The following MVB12B variants were observed in gnomAD, a reference collection of about 807,000 sequenced individuals.
MVB12B encodes the protein ESCRT-I complex subunit MVB12B.
MVB12B carries 16 observed loss-of-function variants against 41.6 expected under a neutral mutation model. The ratio of observed to expected loss-of-function variants is 0.38; its 90% CI spans 0.26 to 0.58. MVB12B has a LOEUF of 0.58. MVB12B is among the 20% of genes least tolerant of loss of function. The pLI is 0.62. For synonymous variants in MVB12B, 133 were observed against 139.7 expected (o/e 0.95, Z 0.34); for missense variants, 274 against 380.2 (o/e 0.72, Z 2.32).
chr9:126,330,551 T>C (rs1829101278), intron 1 of MVB12B, among the ~76,000 whole-genome samples: 1 of 151,964 alleles, frequency 6.6e-6, no homozygotes, highest in South Asian at 2.1e-4. Context: ...CACCTTGGGT[T>C]ATACTTCTTC....
chr9:126,416,599 C>G (rs375355937), intron 6 of MVB12B, among the ~76,000 whole-genome samples: 40 of 152,260 alleles, frequency 2.6e-4, no homozygotes, highest in African/African-American at 9.4e-4. Flanking sequence ...TTTATATACC[C>G]GATAGTGAAG....
intron 7 of MVB12B, among the ~76,000 whole-genome samples, chr9:126,452,993 T>A (rs990313822): frequency 4.6e-5 from 7 of 152,024 alleles, no homozygotes; most frequent in Non-Finnish European, 5.9e-5. Flanking sequence ...AGCTCTGGAC[T>A]CAAGTCCCAG....
intron 7 of MVB12B, among the ~76,000 whole-genome samples, chr9:126,451,219 C>T (rs1389931847): frequency 6.6e-6 from 1 of 152,222 alleles, no homozygotes; most frequent in Non-Finnish European, 1.5e-5. Context: ...GCGTCTTTGA[C>T]TGTAGAAACA....
At chr9:126,398,222 C>T (rs1831172714) in intron 6 of MVB12B, among the ~76,000 whole-genome samples, 1 of 151,726 alleles carries the variant, frequency 6.6e-6, no homozygotes, top group Non-Finnish European at 1.5e-5. Flanking sequence ...TCCGGGGCAT[C>T]TCGAGCCCGT....
intron 7 of MVB12B, among the ~76,000 whole-genome samples, chr9:126,456,472 T>G (rs572877515): frequency 6.6e-6 from 1 of 152,384 alleles, no homozygotes; most frequent in South Asian, 2.1e-4. Flanking sequence ...AATAATGATT[T>G]TAACTGTGAG....
chr9:126,397,581 A>AC, intron 6 of MVB12B: 1 of 985,356 alleles, frequency 1.0e-6, no homozygotes, highest in Non-Finnish European at 1.2e-6. Context: ...CCAATATGCA[A>AC]CAGGATAATT....
intron 6 of MVB12B, among the ~76,000 whole-genome samples, chr9:126,418,258 G>T (rs1467110719): frequency 6.6e-6 from 1 of 152,204 alleles, no homozygotes; most frequent in Non-Finnish European, 1.5e-5. Context: ...GGCAAAATCT[G>T]AGGCCCCGAG....
At position 126,480,136 on chromosome 9, in the gene MVB12B, CCG is replaced by C. The variant is rs1034301700; in HGVS notation, c.758-1232_758-1231del. Among the ~76,000 whole-genome samples the C allele has an allele frequency of 2.0e-5, 3 of 152,316 alleles. No homozygotes were observed. The highest frequency in any genetic ancestry group is 7.2e-5 in the African/African-American group (3 of 41,566). ...CTACCTTGCTTCCATTGTGCTCACT[CCG>C]TTTCTCCCTGAAACCACAATTTACT... On this transcript the variant is annotated intron_variant, in intron 7 of 9. Coordinates refer to ENST00000361171, the MANE Select transcript of MVB12B (RefSeq NM_033446.3). The surrounding 1 kb of genome is among the most constrained non-coding windows in gnomAD (Gnocchi z 4.9).
intron 1 of MVB12B, among the ~76,000 whole-genome samples, chr9:126,331,939 C>T (rs1829141934): frequency 6.6e-6 from 1 of 152,346 alleles, no homozygotes. Context: ...ACTGGGGTGC[C>T]CCTTCCTGTA....
At position 126,478,164 on chromosome 9, in the gene MVB12B, A is replaced by C. The variant is rs868259570; in HGVS notation, c.758-3205A>C. Reference sequence around the variant, plus strand: ...CTTTAAAATGGTTAATTTTATATGAATTTTTTAAAACATTTCCCTCCCTGC... The same window carrying C: ...CTTTAAAATGGTTAATTTTATATGACTTTTTTAAAACATTTCCCTCCCTGC... On this transcript the variant is annotated intron_variant, in intron 7 of 9. Transcript: ENST00000361171. The surrounding 1 kb of genome is among the most constrained non-coding windows in gnomAD (Gnocchi z 4.2). Among the ~76,000 whole-genome samples, 1 of 152,326 alleles carries C rather than the reference A, an allele frequency of 6.6e-6. No homozygotes were observed. Among genetic ancestry groups the C allele is most frequent in the Middle Eastern group, 3.4e-3 (1 of 294 alleles).
In MVB12B at chr9:126,481,349, T is replaced by C. The variant is rs1453680439; in HGVS notation, c.758-20T>C. 4.4e-6 allele frequency: 7 copies of C among 1,609,142 alleles called. No homozygotes were observed. Among genetic ancestry groups the C allele is most frequent in the East Asian group, 2.2e-5 (1 of 44,872 alleles). ...ATCTTCAATACCTTTAATGCCATCT[T>C]TTTTTTTCTTCTTTTGCAGCAATGG... On this transcript the variant is annotated intron_variant, in intron 7 of 9. Transcript: ENST00000361171.
chr9:126,396,928 A>G, intron 6 of MVB12B: 3 of 985,472 alleles, frequency 3.0e-6, no homozygotes, highest in Non-Finnish European at 3.6e-6. Flanking sequence ...CTTGTTCCTC[A>G]CTTCTGAGCC....
chr9:126,463,087 C>T (rs1833123193), intron 7 of MVB12B, among the ~76,000 whole-genome samples: 1 of 152,222 alleles, frequency 6.6e-6, no homozygotes, highest in African/African-American at 2.4e-5. Flanking sequence ...GTCCTGCGGG[C>T]TGGTCCATTG....
rs530108393 is a variant in MVB12B at position 126,460,696 on chromosome 9, C to T, written c.758-20673C>T. On this transcript the variant is annotated intron_variant, in intron 7 of 9. Coordinates refer to ENST00000361171, the MANE Select transcript of MVB12B (RefSeq NM_033446.3). ...GGGGAGATGATGCTGGGGGTGGTAG[C>T]GGCCAGTGGAGGTGGGGAGGAGGGC... Among the ~76,000 whole-genome samples, 242 of 152,038 alleles carry T rather than the reference C, an allele frequency of 1.6e-3. 1 individual carries two copies. Among genetic ancestry groups the T allele is most frequent in the African/African-American group, 5.4e-3 (222 of 41,470 alleles).
In MVB12B at chr9:126,503,506, G is replaced by T. The variant is rs1588219700; in HGVS notation, c.*243G>T. On this transcript the variant is annotated 3_prime_UTR_variant, in exon 10 of 10. Transcript: ENST00000361171. ...TAATCTGTGTGTGCTGTAGTGACCA[G>T]CGGCTCCTAACGTGTCTGTGTGATG... 1 of 558,318 alleles carries T rather than the reference G, an allele frequency of 1.8e-6. No homozygotes were observed. The highest frequency in any genetic ancestry group is 3.0e-5 in the East Asian group (1 of 33,362). The allele number at this position is 558,318 out of a possible 1,614,324, so 34.6% of individuals were successfully genotyped here. A position where few individuals can be genotyped will look rare whatever the true frequency, so the allele number is the denominator to read the frequency against.
rs1333641812 is a variant in MVB12B at position 126,480,396 on chromosome 9, G to A, written c.758-973G>A. 6.6e-6 allele frequency among the ~76,000 whole-genome samples: 1 copy of A among 152,198 alleles called. No homozygotes were observed. Among genetic ancestry groups the A allele is most frequent in the African/African-American group, 2.4e-5 (1 of 41,450 alleles). ...TCCAGTGTGACCTGTTCCTCAATGT[G>A]GCAGGATTTCCAGTCCTGGTGTGGC... On this transcript the variant is annotated intron_variant, in intron 7 of 9. Coordinates refer to ENST00000361171, the MANE Select transcript of MVB12B (RefSeq NM_033446.3). The surrounding 1 kb of genome is among the most constrained non-coding windows in gnomAD (Gnocchi z 4.9).
In MVB12B at chr9:126,506,920, G is replaced by A. The variant is rs928611669; in HGVS notation, c.*3657G>A. 2 of 152,702 alleles carry A rather than the reference G, an allele frequency of 1.3e-5. No homozygotes were observed. The highest frequency in any genetic ancestry group is 3.8e-4 in the East Asian group (2 of 5,198). The allele number at this position is 152,702 out of a possible 1,614,324, so 9.5% of individuals were successfully genotyped here. A position where few individuals can be genotyped will look rare whatever the true frequency, so the allele number is the denominator to read the frequency against. ...GGCCTGGACAAGGAAGACCCTTAGG[G>A]ATGACGTCCCCGCTGCATATTTATT... On this transcript the variant is annotated 3_prime_UTR_variant, in exon 10 of 10. Coordinates refer to ENST00000361171, the MANE Select transcript of MVB12B (RefSeq NM_033446.3).
At chr9:126,425,482 G>A (rs1403466120) in intron 7 of MVB12B, among the ~76,000 whole-genome samples, 1 of 152,052 alleles carries the variant, frequency 6.6e-6, no homozygotes, top group African/African-American at 2.4e-5. Flanking sequence ...CATGTCCTTG[G>A]TAAACCCTGC....
intron 7 of MVB12B, among the ~76,000 whole-genome samples, chr9:126,464,919 C>T (rs953493975): frequency 2.6e-4 from 39 of 152,210 alleles, no homozygotes; most frequent in African/African-American, 9.4e-4. Flanking sequence ...ACGAGAACAC[C>T]TGTTACTCCC....
Sources: allele counts gnomAD v4.1 joint callset (sites outside exome capture counted in the v4.1 genomes callset), GRCh38; gene constraint gnomAD v4.1.1; non-coding constraint Gnocchi (gnomAD v3.1); transcripts MANE v1.5; gene names NCBI Gene and HGNC (gene_info 2026-07-23, HGNC 2026-07-21).